The following PDIK1L variants were observed in gnomAD, a reference collection of about 807,000 sequenced individuals.
PDIK1L encodes the protein PDLIM1 interacting kinase 1 like.
Under a neutral mutation model 27.1 loss-of-function variants are expected in PDIK1L, and 9 were observed. The ratio of observed to expected loss-of-function variants is 0.33; its 90% CI spans 0.20 to 0.58. The LOEUF (loss-of-function observed/expected upper bound fraction) is 0.58, where lower values mean the gene tolerates loss of function less well. PDIK1L is among the 20% of genes least tolerant of loss of function. The pLI is 0.86. For synonymous variants in PDIK1L, 130 were observed against 141.7 expected (o/e 0.92, Z 0.59); for missense variants, 216 against 413.2 (o/e 0.52, Z 4.14).
Position 26,122,576 on chromosome 1 carries a change from G to T in PDIK1L, c.1025G>T (p.Ter342LeuextTer24). 1.3e-6 allele frequency: 2 copies of T among 1,598,698 alleles called. No homozygotes were observed. The highest frequency in any genetic ancestry group is 2.2e-5 in the South Asian group (2 of 89,636). ...IAFKDSSWET[*>L] The stretch of plus-strand genomic sequence containing the variant: ...TTTAAAGATAGCAGCTGGGAAACGT[G>T]ACACATATTATTTGCAAATACCATG... The change falls in exon 3 of 3, where the codon TGA becomes TTA. Residue 342 changes from the stop codon to leucine (L), a stop_lost. Coordinates refer to ENST00000374269, the MANE Select transcript of PDIK1L (RefSeq NM_152835.5). This position sits in a 1 kb window ranked among gnomAD's most constrained non-coding sequence, Gnocchi z 5.4.
At position 26,122,111 on chromosome 1, in the gene PDIK1L, A is replaced by G. The variant is rs1437183027; in HGVS notation, c.560A>G (p.Lys187Arg). The change falls in exon 3 of 3, where the codon AAA (lysine) becomes AGA (arginine). Residue 187 changes from lysine to arginine, a missense_variant. This residue lies in a region of PDIK1L where 169 missense variants were observed against 366.0 expected (regional missense o/e 0.46). Transcript: ENST00000374269. The surrounding 1 kb of genome is among the most constrained non-coding windows in gnomAD (Gnocchi z 5.4). ...ACCAGTGACTTGGAACCTACCCTCA[A>G]AGTGGCTGATTTTGGTCTAAGTAAA... ...LDTSDLEPTL[K>R]VADFGLSKVC... 6.2e-7 allele frequency: 1 copy of G among 1,614,084 alleles called. No homozygotes were observed. The highest frequency in any genetic ancestry group is 1.3e-5 in the African/African-American group (1 of 75,032).
At chr1:26,119,117 C>T (rs1334269434) in intron 2 of PDIK1L, among the ~76,000 whole-genome samples, 2 of 152,190 alleles carry the variant, frequency 1.3e-5, no homozygotes, top group African/African-American at 2.4e-5. Context: ...TCAAAAGTTA[C>T]GAATCGTTGG....
At position 26,114,312 on chromosome 1, in the gene PDIK1L, G is replaced by T; in HGVS notation, c.4G>T (p.Val2Leu). 2 of 1,607,714 alleles carry T rather than the reference G, an allele frequency of 1.2e-6. No homozygotes were observed. The highest frequency in any genetic ancestry group is 1.7e-6 in the Non-Finnish European group (2 of 1,174,540). MVSSQPKYDLIR... is the reference protein window; with the variant it reads MLSSQPKYDLIR... ...TCCAGAAACCTCGACCTTGAAGATG[G>T]TGAGTAGCCAGCCAAAGTACGATCT... Residue 2 changes from valine to leucine, a missense_variant, in exon 2 of 3, where the codon GTG becomes TTG. By Grantham distance (32) the Val-to-Leu change is conservative. Coordinates refer to ENST00000374269, the MANE Select transcript of PDIK1L (RefSeq NM_152835.5). The surrounding 1 kb of genome is among the most constrained non-coding windows in gnomAD (Gnocchi z 4.8).
At chr1:26,115,865 C>T (rs1255667164) in intron 2 of PDIK1L, among the ~76,000 whole-genome samples, 1 of 151,592 alleles carries the variant, frequency 6.6e-6, no homozygotes, top group Non-Finnish European at 1.5e-5. Flanking sequence ...TTGAGTGTGT[C>T]TAAATTCAGA....
chr1:26,115,669 G>A (rs1382235898), intron 2 of PDIK1L, among the ~76,000 whole-genome samples: 1 of 152,102 alleles, frequency 6.6e-6, no homozygotes, highest in Non-Finnish European at 1.5e-5. Flanking sequence ...GGGCGTAGTG[G>A]TGGACGCCTG....
At position 26,122,844 on chromosome 1, in the gene PDIK1L, CAAGAG is replaced by C. The variant is rs1557598694; in HGVS notation, c.*274_*278del. On this transcript the variant is annotated 3_prime_UTR_variant, in exon 3 of 3. Transcript: ENST00000374269. The surrounding 1 kb of genome is among the most constrained non-coding windows in gnomAD (Gnocchi z 5.4). ...GGCAGGAAAATTCTTTAAGAGCTAA[CAAGAG>C]AAGAGAGTCCAGTTTTCTGGAAATA... The C allele has an allele frequency of 1.0e-5, 3 of 286,202 alleles. No homozygotes were observed. Among genetic ancestry groups the C allele is most frequent in the African/African-American group, 2.2e-5 (1 of 45,498 alleles). 17.7% of individuals were successfully genotyped at this position (286,202 alleles called of 1,614,324 possible).
In PDIK1L at chr1:26,122,052, T is replaced by C. The variant is rs2087998009; in HGVS notation, c.501T>C (p.Pro167=). ...AGATCATCCACCGAGATCTTAAGCCTGATAACATCCTGATTTCTCAAACCA... is the reference window on the plus strand; with the variant it reads ...AGATCATCCACCGAGATCTTAAGCCCGATAACATCCTGATTTCTCAAACCA... The part of the protein sequence containing the change: ...KNQIIHRDLK[P]DNILISQTRL... The change falls in exon 3 of 3, where the codon CCT becomes CCC. Residue 167 remains proline, a synonymous_variant. Transcript: ENST00000374269. The surrounding 1 kb of genome is among the most constrained non-coding windows in gnomAD (Gnocchi z 5.4). 1 of 1,613,768 alleles carries C rather than the reference T, an allele frequency of 6.2e-7. No homozygotes were observed.
In PDIK1L at chr1:26,122,657, T is replaced by G; in HGVS notation, c.*80T>G. ...GCAACATTATGTGGCTGAAAAAGAATATAAAAAGCTAGACTCTACCCTCTA... is the reference window on the plus strand; with the variant it reads ...GCAACATTATGTGGCTGAAAAAGAAGATAAAAAGCTAGACTCTACCCTCTA... On this transcript the variant is annotated 3_prime_UTR_variant, in exon 3 of 3. Coordinates refer to ENST00000374269, the MANE Select transcript of PDIK1L (RefSeq NM_152835.5). The surrounding 1 kb of genome is among the most constrained non-coding windows in gnomAD (Gnocchi z 5.4). The G allele has an allele frequency of 6.8e-7, 1 of 1,474,792 alleles. No homozygotes were observed. Among genetic ancestry groups the G allele is most frequent in the Non-Finnish European group, 9.0e-7 (1 of 1,105,302 alleles). The allele number at this position is 1,474,792 out of a possible 1,614,324, so 91.4% of individuals were successfully genotyped here.
Position 26,125,011 on chromosome 1 carries a change from CAT to C in PDIK1L, c.*2436_*2437del, listed in dbSNP as rs1428230391. ...AGGTACTCAATAAGCAATTGTTCCT[CAT>C]AGAGTCTTTTGCCATGATTTATGGT... is the stretch of plus-strand genomic sequence containing the variant. On this transcript the variant is annotated 3_prime_UTR_variant, in exon 3 of 3. Coordinates refer to ENST00000374269, the MANE Select transcript of PDIK1L (RefSeq NM_152835.5). 2.6e-5 allele frequency: 4 copies of C among 152,572 alleles called. No individual in the cohort carries two copies. Among genetic ancestry groups the C allele is most frequent in the Non-Finnish European group, 4.4e-5 (3 of 68,018 alleles). 9.5% of individuals were successfully genotyped at this position (152,572 alleles called of 1,614,324 possible).
chr1:26,122,731 T>A lies in PDIK1L; in HGVS notation c.*154T>A, dbSNP rs140376386. The stretch of plus-strand genomic sequence containing the variant: ...TTTTTTTTTCCTCATTTTTCTTAAA[T>A]CCAAGTTGGCCGTTTTATTAGTATG... On this transcript the variant is annotated 3_prime_UTR_variant, in exon 3 of 3. Coordinates refer to ENST00000374269, the MANE Select transcript of PDIK1L (RefSeq NM_152835.5). The surrounding 1 kb of genome is among the most constrained non-coding windows in gnomAD (Gnocchi z 5.4). The A allele has an allele frequency of 5.9e-3, 5,689 of 957,654 alleles. 30 individuals carry two copies. The highest frequency in any genetic ancestry group is 7.2e-3 in the Non-Finnish European group (5,023 of 701,314). The allele number at this position is 957,654 out of a possible 1,614,324, so 59.3% of individuals were successfully genotyped here.
At chr1:26,121,784 T>C in intron 2 of PDIK1L, 53 bp from the exon 3 acceptor site, 1 of 1,499,800 alleles carries the variant, frequency 6.7e-7, no homozygotes, top group Middle Eastern at 1.8e-4. Context: ...TTCCTATAAC[T>C]GAATTGTATA....
chr1:26,114,318 A>T lies in PDIK1L; in HGVS notation c.10A>T (p.Ser4Cys), dbSNP rs2087845166. 25 of 1,608,518 alleles carry T rather than the reference A, an allele frequency of 1.6e-5. No homozygotes were observed. The highest frequency in any genetic ancestry group is 2.0e-5 in the Non-Finnish European group (23 of 1,175,318). ...AACCTCGACCTTGAAGATGGTGAGT[A>T]GCCAGCCAAAGTACGATCTAATACG... MVSSQPKYDLIREV... is the reference protein window; with the variant it reads MVSCQPKYDLIREV... Residue 4 changes from serine (S) to cysteine (C), a missense_variant, in exon 2 of 3, where the codon AGC (serine) becomes TGC (cysteine). Ser to Cys is a moderately radical substitution (Grantham distance 112, BLOSUM62 -1). Around this residue, in one of 2 missense-constraint regions of PDIK1L, gnomAD observed 47 missense variants for 47.2 expected, o/e 1.00. Transcript: ENST00000374269. This position sits in a 1 kb window ranked among gnomAD's most constrained non-coding sequence, Gnocchi z 4.8.
chr1:26,115,933 C>T (rs940891914), intron 2 of PDIK1L, among the ~76,000 whole-genome samples: 1 of 150,376 alleles, frequency 6.6e-6, no homozygotes, highest in African/African-American at 2.4e-5. Flanking sequence ...CATGGTGGCT[C>T]ATCACGCCTG....
chr1:26,116,160 A>ATG (rs1291757411), intron 2 of PDIK1L, among the ~76,000 whole-genome samples: 14 of 144,034 alleles, frequency 9.7e-5, no homozygotes, highest in South Asian at 6.8e-4. Flanking sequence ...CCAAGATCGC[A>ATG]CCACTGCACT....
chr1:26,119,523 C>G (rs1243581615), intron 2 of PDIK1L, among the ~76,000 whole-genome samples: 1 of 151,998 alleles, frequency 6.6e-6, no homozygotes, highest in Non-Finnish European at 1.5e-5. Flanking sequence ...CAGAAAAAAA[C>G]TGTACATACA....
At chr1:26,119,941 C>T (rs1458207662) in intron 2 of PDIK1L, among the ~76,000 whole-genome samples, 3 of 152,190 alleles carry the variant, frequency 2.0e-5, no homozygotes, top group Admixed American at 6.5e-5. Flanking sequence ...AGTCAGAGCA[C>T]ACAAGGTCTC....
chr1:26,113,252 G>A (rs1272452897), intron 1 of PDIK1L, among the ~76,000 whole-genome samples: 2 of 152,202 alleles, frequency 1.3e-5, no homozygotes, highest in African/African-American at 4.8e-5. Context: ...CACTTTGGGA[G>A]GCCGAGGCGG....
intron 2 of PDIK1L, among the ~76,000 whole-genome samples, chr1:26,120,718 C>T (rs747159661): frequency 8.5e-5 from 13 of 152,104 alleles, no homozygotes; most frequent in Non-Finnish European, 5.9e-5. Context: ...CTTTGGGAGG[C>T]CGAGGTGGGC....
chr1:26,113,184 CTTTATT>C (rs2087824542), intron 1 of PDIK1L, among the ~76,000 whole-genome samples: 1 of 152,214 alleles, frequency 6.6e-6, no homozygotes, highest in African/African-American at 2.4e-5. Context: ...AAGTAGCTTA[CTTTATT>C]TTTAAGTAAA....
Sources: allele counts gnomAD v4.1 joint callset (sites outside exome capture counted in the v4.1 genomes callset), GRCh38; gene constraint gnomAD v4.1.1; regional missense constraint gnomAD v4.1.1; non-coding constraint Gnocchi (gnomAD v3.1); transcripts MANE v1.5; gene names NCBI Gene and HGNC (gene_info 2026-07-23, HGNC 2026-07-21).